TMCC3: variants seen among roughly 807,000 people sequenced by gnomAD.
The protein encoded by TMCC3 is transmembrane and coiled-coil domain protein 3.
A neutral mutation model predicts 40.2 loss-of-function variants in TMCC3; 28 were observed. The observed-to-expected ratio is 0.70, with a 90% CI of 0.52 to 0.95. TMCC3 has a LOEUF of 0.95. Among genes scored for constraint, TMCC3 ranks in the 40% least tolerant of loss-of-function variants. TMCC3 has a pLI of 0.00. For synonymous variants in TMCC3, 255 were observed against 248.5 expected, an observed-to-expected ratio of 1.03 and a Z score of -0.25; for missense variants, 554 against 615.2, an observed-to-expected ratio of 0.90 and a Z score of 1.05.
intron 1 of TMCC3, among the ~76,000 whole-genome samples, chr12:94,597,955 A>G (rs1266326664): frequency 6.6e-6 from 1 of 152,200 alleles, no homozygotes; most frequent in Non-Finnish European, 1.5e-5. Context: ...TCCAAAGTCC[A>G]AGAAGGCAAC....
chr12:94,646,290 G>C (rs574576384), intron 1 of TMCC3, among the ~76,000 whole-genome samples: 8 of 152,108 alleles, frequency 5.3e-5, no homozygotes, highest in African/African-American at 1.9e-4. Context: ...AAGATGACTA[G>C]CAGTTCTGAT....
chr12:94,585,576 AG>A (rs1186220409), intron 1 of TMCC3, among the ~76,000 whole-genome samples: 1 of 152,198 alleles, frequency 6.6e-6, no homozygotes, highest in Non-Finnish European at 1.5e-5. Flanking sequence ...ACGTGCCTGT[AG>A]TCCCAGCTAC....
rs3073591 is a variant in TMCC3, at chr12:94,639,668, A to AACACACACACACAC, written c.78+10671_78+10684dup. ...AGATTACAGGAAACACATATATGTA[A>AACACACACACACAC]ACACACACACACACACACACACACA... On this transcript the variant is annotated intron_variant, in intron 1 of 3. Coordinates refer to ENST00000261226, the MANE Select transcript of TMCC3 (RefSeq NM_020698.4). Among the ~76,000 whole-genome samples the AACACACACACACAC allele has an allele frequency of 1.7e-3, 214 of 124,134 alleles. 1 individual carries two copies. The highest frequency in any genetic ancestry group is 6.0e-3 in the South Asian group (22 of 3,670). 81.4% of individuals were successfully genotyped at this position (124,134 alleles called of 152,430 possible).
intron 1 of TMCC3, among the ~76,000 whole-genome samples, chr12:94,601,195 T>C (rs2068750187): frequency 6.6e-6 from 1 of 152,184 alleles, no homozygotes; most frequent in Admixed American, 6.5e-5. Context: ...GTAGAAAAAG[T>C]CCTTGTTTGC....
At chr12:94,649,315 C>T (rs545393379) in intron 1 of TMCC3, among the ~76,000 whole-genome samples, 2 of 152,348 alleles carry the variant, frequency 1.3e-5, no homozygotes, top group South Asian at 2.1e-4. Flanking sequence ...GTCACTATTG[C>T]TACTATTTCC....
chr12:94,575,891 T>C (rs2068561667), intron 3 of TMCC3, among the ~76,000 whole-genome samples: 1 of 152,038 alleles, frequency 6.6e-6, no homozygotes. Flanking sequence ...CACAAACTCC[T>C]CCCTCGTCGG....
chr12:94,599,052 G>A (rs1241322698), intron 1 of TMCC3, among the ~76,000 whole-genome samples: 2 of 152,136 alleles, frequency 1.3e-5, no homozygotes, highest in African/African-American at 4.8e-5. Context: ...ATAAGTTAGT[G>A]GTTAAAGGCA....
chr12:94,633,633 T>C (rs1340942493), intron 1 of TMCC3, among the ~76,000 whole-genome samples: 1 of 152,216 alleles, frequency 6.6e-6, no homozygotes, highest in Non-Finnish European at 1.5e-5. Context: ...TCACTGCATT[T>C]ACTTCTACAT....
In TMCC3 at chr12:94,581,844, G is replaced by C; in HGVS notation, c.773C>G (p.Ser258Trp). Reference protein sequence around the residue: ...KPKYGSDDECSSGTSGSADSN... With the variant: ...KPKYGSDDECWSGTSGSADSN... ...GTCGGCCGAGCCTGACGTGCCACTC[G>C]AACATTCATCATCACTGCCATACTT... is the stretch of plus-strand genomic sequence containing the variant. The change falls in exon 2 of 4, where the codon TCG (serine) becomes TGG (tryptophan). Residue 258 changes from serine (S) to tryptophan (W), a missense_variant. Transcript: ENST00000261226. The C allele has an allele frequency of 5.6e-6, 9 of 1,614,042 alleles. No homozygotes were observed. The highest frequency in any genetic ancestry group is 7.6e-6 in the Non-Finnish European group (9 of 1,179,924).
intron 1 of TMCC3, among the ~76,000 whole-genome samples, chr12:94,638,676 C>CTTT (rs2068973488): frequency 6.6e-6 from 1 of 152,202 alleles, no homozygotes; most frequent in Non-Finnish European, 1.5e-5. Flanking sequence ...AGTGATTCAG[C>CTTT]TGCAAATAGA....
chr12:94,567,759 G>T lies in TMCC3; in HGVS notation c.*3676C>A, dbSNP rs1048538447. The T allele has an allele frequency of 6.6e-6, 1 of 152,058 alleles. No individual in the cohort carries two copies. Among genetic ancestry groups the T allele is most frequent in the Non-Finnish European group, 1.5e-5 (1 of 68,022 alleles). The allele number at this position is 152,058 out of a possible 1,614,324, so 9.4% of individuals were successfully genotyped here. A position where few individuals can be genotyped will look rare whatever the true frequency, so the allele number is the denominator to read the frequency against. On this transcript the variant is annotated 3_prime_UTR_variant, in exon 4 of 4. Transcript: ENST00000261226. ...CAGAATTACAGAAATATGTAAAATAGGTTGTTTAATCACACATGTTCATAT... is the reference window on the plus strand; with the variant it reads ...CAGAATTACAGAAATATGTAAAATATGTTGTTTAATCACACATGTTCATAT...
At chr12:94,585,426 G>A (rs2068632346) in intron 1 of TMCC3, among the ~76,000 whole-genome samples, 1 of 152,226 alleles carries the variant, frequency 6.6e-6, no homozygotes, top group Non-Finnish European at 1.5e-5. Context: ...GCCAGGCGCA[G>A]TGGCTCACGC....
intron 1 of TMCC3, chr12:94,598,682 C>T (rs2625928): frequency 0.41 from 401,391 of 985,112 alleles, 86,486 homozygotes; most frequent in Non-Finnish European, 0.44. Flanking sequence ...AAATGCTCTG[C>T]CGTCAATAAG....
chr12:94,577,951 A>T (rs1036401893), intron 3 of TMCC3, among the ~76,000 whole-genome samples: 1 of 151,964 alleles, frequency 6.6e-6, no homozygotes, highest in African/African-American at 2.4e-5. Flanking sequence ...GTTTGAGACC[A>T]GCCTGGCCAA....
chr12:94,636,135 C>G (rs1348460555), intron 1 of TMCC3, among the ~76,000 whole-genome samples: 3 of 152,142 alleles, frequency 2.0e-5, no homozygotes, highest in Non-Finnish European at 2.9e-5. Flanking sequence ...TACATATGAA[C>G]AGCGGTATAT....
chr12:94,590,706 A>G (rs12426569), intron 1 of TMCC3: 16,913 of 312,188 alleles, frequency 0.054, 555 homozygotes, highest in East Asian at 0.093. Context: ...GTGTTCTCCC[A>G]GAAGAACAGG....
chr12:94,641,798 G>C (rs538093514), intron 1 of TMCC3, among the ~76,000 whole-genome samples: 4 of 152,014 alleles, frequency 2.6e-5, no homozygotes, highest in African/African-American at 9.7e-5. Context: ...TATGCATCTG[G>C]CATACTTTTT....
chr12:94,571,379 C>A lies in TMCC3; in HGVS notation c.*56G>T. 1.3e-6 allele frequency: 2 copies of A among 1,568,432 alleles called. No homozygotes were observed. The highest frequency in any genetic ancestry group is 1.2e-5 in the South Asian group (1 of 84,302). ...TCACTGTAAAATTTGGTAGTATGCACAGAGTTTTCTTTAAAATAAAAACTT... is the reference window on the plus strand; with the variant it reads ...TCACTGTAAAATTTGGTAGTATGCAAAGAGTTTTCTTTAAAATAAAAACTT... On this transcript the variant is annotated 3_prime_UTR_variant, in exon 4 of 4. Transcript: ENST00000261226.
chr12:94,621,576 G>C (rs949841147), intron 1 of TMCC3, among the ~76,000 whole-genome samples: 2 of 152,174 alleles, frequency 1.3e-5, no homozygotes, highest in African/African-American at 4.8e-5. Flanking sequence ...ATCTCTACTG[G>C]AGGTTCTGCA....
Sources: allele counts gnomAD v4.1 joint callset (sites outside exome capture counted in the v4.1 genomes callset), GRCh38; gene constraint gnomAD v4.1.1; transcripts MANE v1.5; gene names NCBI Gene and HGNC (gene_info 2026-07-23, HGNC 2026-07-21).